CFAP92: variants seen among roughly 807,000 people sequenced by gnomAD.
CFAP92 encodes the protein uncharacterized protein CFAP92.
Under a neutral mutation model 106.3 loss-of-function variants are expected in CFAP92, and 86 were observed. The observed-to-expected ratio is 0.81, with a 90% confidence interval of 0.68 to 0.97. CFAP92 has a LOEUF of 0.97. Ranked by LOEUF, CFAP92 falls within the 50% of genes least tolerant of loss-of-function variation. The probability of loss-of-function intolerance (pLI) is 0.00; values close to 1 mark genes in which losing one functional copy is unlikely to be tolerated. For synonymous variants in CFAP92, 477 were observed against 506.4 expected (o/e 0.94, Z 0.78); for missense variants, 1,204 against 1,283.8 (o/e 0.94, Z 0.95).
At chr3:129,004,372 C>T (rs34643992), upstream of CFAP92, among the ~76,000 whole-genome samples, 4 of 105,732 alleles carry the variant, frequency 3.8e-5, no homozygotes, top group Non-Finnish European at 7.4e-5. Flanking sequence ...TCACTCACCC[C>T]CCCCACCCAC....
upstream of CFAP92, among the ~76,000 whole-genome samples, chr3:129,003,479 C>T (rs935704214): frequency 1.3e-5 from 2 of 151,170 alleles, no homozygotes; most frequent in African/African-American, 4.9e-5. Context: ...TACAGTAGGC[C>T]GAGAAGAGTC....
intron 1 of CFAP92, chr3:129,002,402 G>A: frequency 6.9e-7 from 1 of 1,456,432 alleles, no homozygotes; most frequent in Admixed American, 2.4e-5. Context: ...TGCGGAGCCC[G>A]ACAGGACAGA....
At chr3:129,022,116 C>T in the CFAP92 span, among the ~76,000 whole-genome samples, 2 of 152,110 alleles carry the variant, frequency 1.3e-5, no homozygotes, top group Admixed American at 1.3e-4. Flanking sequence ...GGATCAATGT[C>T]ATTTTTTTGT....
chr3:128,952,318 G>C (rs150702771), intron 9 of CFAP92, among the ~76,000 whole-genome samples: 2 of 151,766 alleles, frequency 1.3e-5, no homozygotes, highest in Non-Finnish European at 2.9e-5. Context: ...ATTAAGAAGG[G>C]ATCACACTGT....
chr3:128,963,892 C>T (rs1428575140), intron 9 of CFAP92, among the ~76,000 whole-genome samples: 1 of 151,724 alleles, frequency 6.6e-6, no homozygotes, highest in South Asian at 2.1e-4. Flanking sequence ...GGATTTGCCC[C>T]CACCCAGGAC....
chr3:128,926,117 AAAAT>A (rs1193744040), intron 12 of CFAP92, among the ~76,000 whole-genome samples: 12 of 152,262 alleles, frequency 7.9e-5, no homozygotes, highest in African/African-American at 1.9e-4. Context: ...TTAAATGGAG[AAAAT>A]AAATAAATTT....
chr3:129,016,307 C>T, the CFAP92 span, among the ~76,000 whole-genome samples: 212 of 152,266 alleles, frequency 1.4e-3, no homozygotes, highest in African/African-American at 4.8e-3. Flanking sequence ...GCCAAACAGG[C>T]TTCTGTGTGA....
intron 9 of CFAP92, among the ~76,000 whole-genome samples, chr3:128,960,406 G>A (rs560229713): frequency 1.3e-5 from 2 of 152,110 alleles, no homozygotes; most frequent in African/African-American, 2.4e-5. Flanking sequence ...TCCGGTAAGC[G>A]GCCTCTTTTG....
At position 128,971,365 on chromosome 3, in the gene CFAP92, C is replaced by A; in HGVS notation, c.1090G>T (p.Glu364Ter). The change falls in exon 8 of 16, where the codon GAG (glutamate) becomes TAG (stop). Residue 364 changes from glutamate (E) to a stop codon, truncating the protein, a stop_gained. Coordinates refer to ENST00000645291, the MANE Select transcript of CFAP92 (RefSeq NM_001394090.1). LOFTEE classifies it high-confidence loss of function. ...GGGCCTGTCAGCGTGGGGTCTGCCT[C>A]TTCTTCTGCCAGGGGCTTCTTATGT... is the stretch of plus-strand genomic sequence containing the variant. ...RRHKKPLAEE[E>*]ADPTLTGPRK... is the part of the protein sequence containing the mutation. 6.2e-7 allele frequency: 1 copy of A among 1,613,488 alleles called. No homozygotes were observed. The highest frequency in any genetic ancestry group is 8.5e-7 in the Non-Finnish European group (1 of 1,179,554).
At chr3:128,962,795 T>C (rs1942046245) in intron 9 of CFAP92, among the ~76,000 whole-genome samples, 1 of 152,220 alleles carries the variant, frequency 6.6e-6, no homozygotes, top group African/African-American at 2.4e-5. Context: ...TCCCCCATTT[T>C]ACCTGTCCTA....
At chr3:128,984,061 C>A (rs1411530109) in intron 4 of CFAP92, among the ~76,000 whole-genome samples, 4 of 152,158 alleles carry the variant, frequency 2.6e-5, no homozygotes, top group Non-Finnish European at 4.4e-5. Context: ...GGGGGACACC[C>A]ACTGGGCACC....
chr3:128,983,556 C>T (rs1049545011), intron 4 of CFAP92, among the ~76,000 whole-genome samples: 4 of 151,980 alleles, frequency 2.6e-5, no homozygotes, highest in Non-Finnish European at 4.4e-5. Flanking sequence ...TGGCAGCCAC[C>T]AAGAATGGGT....
upstream of CFAP92, among the ~76,000 whole-genome samples, chr3:128,994,304 G>A: frequency 6.6e-6 from 1 of 152,204 alleles, no homozygotes; most frequent in East Asian, 1.9e-4. Flanking sequence ...GTTTCTACTC[G>A]GAACGTCAGC....
upstream of CFAP92, chr3:129,004,104 C>A: frequency 6.8e-7 from 1 of 1,466,830 alleles, no homozygotes; most frequent in South Asian, 1.3e-5. Context: ...GCCCTGGGCC[C>A]AAGTTCCCCA....
intron 12 of CFAP92, among the ~76,000 whole-genome samples, chr3:128,917,638 AG>A (rs1936927417): frequency 6.6e-6 from 1 of 152,248 alleles, no homozygotes; most frequent in South Asian, 2.1e-4. Context: ...TTAAAATAAG[AG>A]TGAAGATAGC....
intron 15 of CFAP92, chr3:128,910,693 C>CTGAT: frequency 6.2e-7 from 1 of 1,607,444 alleles, no homozygotes; most frequent in South Asian, 1.1e-5. Flanking sequence ...GCTCAGAGGT[C>CTGAT]TGATTCCAGG....
At chr3:129,001,235 G>A (rs1944721757) in intron 1 of CFAP92, among the ~76,000 whole-genome samples, 1 of 152,212 alleles carries the variant, frequency 6.6e-6, no homozygotes, top group Admixed American at 6.5e-5. Flanking sequence ...CGAACTCTCC[G>A]CGCCAGGCGG....
chr3:128,932,378 T>TACACACACACACACAC (rs112536236), intron 12 of CFAP92, among the ~76,000 whole-genome samples: 22 of 147,590 alleles, frequency 1.5e-4, no homozygotes, highest in South Asian at 1.3e-3. Context: ...AGCAACATGT[T>TACACACACACACACAC]ACACACACAC....
the CFAP92 span, among the ~76,000 whole-genome samples, chr3:129,024,540 GA>G: frequency 0.026 from 3,516 of 136,354 alleles, 96 homozygotes; most frequent in African/African-American, 0.073. Flanking sequence ...CAAAAAAAAA[GA>G]AAAAAAAAAA....
Sources: allele counts gnomAD v4.1 joint callset (sites outside exome capture counted in the v4.1 genomes callset), GRCh38; gene constraint gnomAD v4.1.1; transcripts MANE v1.5; gene names NCBI Gene and HGNC (gene_info 2026-07-23, HGNC 2026-07-21).